The following PREX2 variants were observed in gnomAD, a reference collection of about 807,000 sequenced individuals.
PREX2 encodes the protein phosphatidylinositol-3,4,5-trisphosphate dependent Rac exchange factor 2, also known as phosphatidylinositol 3,4,5-trisphosphate-dependent Rac exchanger 2 protein.
PREX2 carries 107 observed loss-of-function variants against 203.2 expected under a neutral mutation model. The ratio of observed to expected loss-of-function variants is 0.53; its 90% confidence interval spans 0.45 to 0.62. PREX2 has a LOEUF of 0.62. Ranked by LOEUF, PREX2 falls within the 20% of genes least tolerant of loss-of-function variation. PREX2 has a pLI of 0.00. For synonymous variants in PREX2, 672 were observed against 663.6 expected, an observed-to-expected ratio of 1.01 and a Z score of -0.19; for missense variants, 1,777 against 1,955.9, an observed-to-expected ratio of 0.91 and a Z score of 1.72.
intron 23 of PREX2, chr8:68,102,797 A>T (rs771136667): frequency 1.9e-6 from 1 of 517,158 alleles, no homozygotes; most frequent in African/African-American, 1.9e-5. Context: ...CAATTATAAT[A>T]GATTTCCTGG....
chr8:68,117,580 C>G (rs1000548413), intron 26 of PREX2, among the ~76,000 whole-genome samples: 2 of 152,114 alleles, frequency 1.3e-5, no homozygotes, highest in African/African-American at 4.8e-5. Flanking sequence ...ATTAAAATTA[C>G]CCTGACAGTT....
intron 37 of PREX2, among the ~76,000 whole-genome samples, chr8:68,207,547 A>G (rs900817233): frequency 5.3e-5 from 8 of 152,004 alleles, no homozygotes; most frequent in African/African-American, 1.7e-4. Context: ...TACAGTCAAT[A>G]TAGACACCAG....
At chr8:68,139,732 A>G (rs1811188719) in intron 33 of PREX2, among the ~76,000 whole-genome samples, 1 of 152,220 alleles carries the variant, frequency 6.6e-6, no homozygotes, top group Admixed American at 6.5e-5. Context: ...TTATGAAAAT[A>G]GAACAGAATA....
intron 20 of PREX2, 68 bp downstream of exon 20, chr8:68,090,783 G>T: frequency 7.3e-7 from 1 of 1,362,374 alleles, no homozygotes; most frequent in Non-Finnish European, 1.0e-6. Flanking sequence ...GGTTGAGGTG[G>T]GATAGTGCCA....
intron 35 of PREX2, among the ~76,000 whole-genome samples, chr8:68,167,218 C>A (rs896844638): frequency 3.9e-5 from 6 of 152,144 alleles, no homozygotes; most frequent in African/African-American, 1.4e-4. Flanking sequence ...TTATTCCCAC[C>A]TCCTAAAAAA....
At chr8:67,958,789 G>A (rs1000813470) in intron 1 of PREX2, among the ~76,000 whole-genome samples, 6 of 152,106 alleles carry the variant, frequency 3.9e-5, no homozygotes, top group Admixed American at 2.6e-4. Context: ...ACATAGGATG[G>A]GGCTAAGTCT....
intron 1 of PREX2, among the ~76,000 whole-genome samples, chr8:68,003,885 T>A (rs1269686363): frequency 8.7e-6 from 1 of 115,164 alleles, no homozygotes; most frequent in African/African-American, 3.4e-5. Flanking sequence ...AGTCTCACCC[T>A]CTCGCCAGGC....
chr8:68,031,162 G>A (rs989855217), intron 6 of PREX2, among the ~76,000 whole-genome samples: 4 of 152,102 alleles, frequency 2.6e-5, no homozygotes, highest in Non-Finnish European at 4.4e-5. Flanking sequence ...GGCTTCCTGA[G>A]TCACTAAGGA....
chr8:68,155,385 T>G (rs1811524120), intron 34 of PREX2, among the ~76,000 whole-genome samples: 1 of 152,260 alleles, frequency 6.6e-6, no homozygotes, highest in Admixed American at 6.5e-5. Flanking sequence ...TATAAACTGG[T>G]TTTTTAAATT....
At chr8:68,114,060 C>A (rs1232705735) in intron 25 of PREX2, among the ~76,000 whole-genome samples, 1 of 152,136 alleles carries the variant, frequency 6.6e-6, no homozygotes, top group Non-Finnish European at 1.5e-5. Context: ...CGGGATTTCA[C>A]CATGTTGGCC....
chr8:68,212,104 C>T (rs745954258), intron 37 of PREX2, among the ~76,000 whole-genome samples: 1 of 152,104 alleles, frequency 6.6e-6, no homozygotes, highest in Non-Finnish European at 1.5e-5. Flanking sequence ...GCTGTTTCTC[C>T]ACCCTCATCT....
chr8:68,088,963 T>C (rs1395306611), intron 19 of PREX2, among the ~76,000 whole-genome samples: 1 of 152,216 alleles, frequency 6.6e-6, no homozygotes, highest in East Asian at 1.9e-4. Flanking sequence ...TGCTTTTTGC[T>C]TCTGAAGAGT....
Position 68,149,447 on chromosome 8 carries a change from A to G in PREX2, c.4231+3095A>G, listed in dbSNP as rs933261799. 4.6e-5 allele frequency among the ~76,000 whole-genome samples: 7 copies of G among 152,334 alleles called. No individual in the cohort carries two copies. The East Asian group carries it at 1.4e-3, about 29-fold the overall frequency. On this transcript the variant is annotated intron_variant, in intron 34 of 39. Transcript: ENST00000288368. ...GGAAAGTAAGTGCAAAGCATAACCAACCAAACTGCTAGAGTGTGCCAATCA... is the reference window on the plus strand; with the variant it reads ...GGAAAGTAAGTGCAAAGCATAACCAGCCAAACTGCTAGAGTGTGCCAATCA...
intron 18 of PREX2, among the ~76,000 whole-genome samples, chr8:68,085,971 T>A (rs2129612067): frequency 6.6e-6 from 1 of 152,290 alleles, no homozygotes; most frequent in East Asian, 1.9e-4. Context: ...AGCATGAACT[T>A]CTTCTGATTT....
chr8:68,134,032 C>T (rs377098442), intron 31 of PREX2, 27 bp from the exon 32 acceptor site: 15 of 1,581,102 alleles, frequency 9.5e-6, no homozygotes, highest in Non-Finnish European at 1.3e-5. Flanking sequence ...TTTTTCGAAG[C>T]ATTCTCTATG....
intron 30 of PREX2, among the ~76,000 whole-genome samples, chr8:68,123,676 C>T (rs1810824606): frequency 6.6e-6 from 1 of 151,868 alleles, no homozygotes; most frequent in African/African-American, 2.4e-5. Flanking sequence ...TGGATAAATT[C>T]CTGGACACAT....
intron 1 of PREX2, among the ~76,000 whole-genome samples, chr8:67,955,193 A>G (rs1805467528): frequency 2.0e-5 from 3 of 151,822 alleles, no homozygotes. Flanking sequence ...GCTAGAGGGA[A>G]AAGCTTTTCT....
intron 37 of PREX2, among the ~76,000 whole-genome samples, chr8:68,195,082 A>G (rs78074392): frequency 0.032 from 4,924 of 152,292 alleles, 239 homozygotes; most frequent in East Asian, 0.19. Flanking sequence ...TCTTAACTCC[A>G]CATTAATTTA....
intron 35 of PREX2, among the ~76,000 whole-genome samples, chr8:68,171,866 T>C (rs988608902): frequency 5.9e-5 from 9 of 152,182 alleles, no homozygotes; most frequent in African/African-American, 1.9e-4. Context: ...ATGTAAAGAA[T>C]GCCTTTGTCC....
Sources: allele counts gnomAD v4.1 joint callset (sites outside exome capture counted in the v4.1 genomes callset), GRCh38; gene constraint gnomAD v4.1.1; transcripts MANE v1.5; gene names NCBI Gene and HGNC (gene_info 2026-07-23, HGNC 2026-07-21).